The following C4orf51 variants were observed in gnomAD, a reference collection of about 807,000 sequenced individuals.
C4orf51 encodes chromosome 4 open reading frame 51.
Under a neutral mutation model 25.2 loss-of-function variants are expected in C4orf51, and 25 were observed. The observed-to-expected ratio is 0.99, with a 90% confidence interval of 0.72 to 1.39. C4orf51 has a LOEUF of 1.39. C4orf51 is among the 40% of genes most tolerant of loss of function. The probability of loss-of-function intolerance (pLI) is 0.00; values close to 1 mark genes in which losing one functional copy is unlikely to be tolerated. For missense variants in C4orf51, 252 were observed against 239.6 expected (o/e 1.05, Z -0.34); for synonymous variants, 100 against 84.5 (o/e 1.18, Z -1.01).
intron 5 of C4orf51, among the ~76,000 whole-genome samples, chr4:145,730,171 T>C (rs893449214): frequency 2.0e-5 from 3 of 152,252 alleles, no homozygotes; most frequent in African/African-American, 4.8e-5. Flanking sequence ...AATAGTTTCT[T>C]GGGTGGATCT....
At chr4:145,774,767 A>T (rs1389490143), downstream of C4orf51, 1 of 1,367,530 alleles carries the variant, frequency 7.3e-7, no homozygotes, top group Non-Finnish European at 9.9e-7. Flanking sequence ...CACTCAAGAA[A>T]ACTGGAATTT....
In C4orf51 at chr4:145,763,185, G is replaced by A. The variant is rs1159597870; in HGVS notation, n.167-7803G>A. 1 of 1,486,396 alleles carries A rather than the reference G, an allele frequency of 6.7e-7. No homozygotes were observed. Among genetic ancestry groups the A allele is most frequent in the African/African-American group, 1.4e-5 (1 of 71,564 alleles). The allele number at this position is 1,486,396 out of a possible 1,614,324, so 92.1% of individuals were successfully genotyped here. A position where few individuals can be genotyped will look rare whatever the true frequency, so the allele number is the denominator to read the frequency against. On this transcript the variant is annotated intron_variant and non_coding_transcript_variant, in intron 1 of 1. Coordinates refer to the C4orf51 transcript ENST00000510096. The surrounding 1 kb of genome is among the most constrained non-coding windows in gnomAD (Gnocchi z 4.6). ...ATCTGCATTATGAACAGGATATAGA[G>A]TACAAGCAGTTCCATCACAGAAAAG...
intron 1 of C4orf51, chr4:145,760,928 G>A (rs575758441): frequency 8.1e-7 from 1 of 1,234,182 alleles, no homozygotes; most frequent in African/African-American, 1.6e-5. Flanking sequence ...AAGGGAATGA[G>A]ATGGGCAAAA....
chr4:145,773,738 C>T (rs1736629630), downstream of C4orf51, among the ~76,000 whole-genome samples: 1 of 152,158 alleles, frequency 6.6e-6, no homozygotes, highest in South Asian at 2.1e-4. Context: ...TTGGCCATGG[C>T]CTAGACAGTG....
At chr4:145,701,968 C>G (rs909378304) in intron 2 of C4orf51, among the ~76,000 whole-genome samples, 4 of 152,076 alleles carry the variant, frequency 2.6e-5, no homozygotes, top group South Asian at 2.1e-4. Flanking sequence ...CTCATATCCC[C>G]CCACCTTAAC....
At chr4:145,719,992 C>CT (rs1578985052) in intron 2 of C4orf51, among the ~76,000 whole-genome samples, 1 of 152,066 alleles carries the variant, frequency 6.6e-6, no homozygotes, top group East Asian at 1.9e-4. Context: ...GGCTTCCGAG[C>CT]TTGGTTGGTT....
In C4orf51 at chr4:145,680,465, A is replaced by G. The variant is rs779752195; in HGVS notation, c.233+29A>G. 3 of 1,501,094 alleles carry G rather than the reference A, an allele frequency of 2.0e-6. No homozygotes were observed. In the South Asian group the frequency reaches 3.4e-5, roughly 17 times the overall value. 93.0% of individuals were successfully genotyped at this position (1,501,094 alleles called of 1,614,324 possible). ...AGATTTCTTTGTAATTTGCACCTGG[A>G]TATATCACTATAAATAGACAAGAGT... On this transcript the variant is annotated intron_variant, in intron 1 of 5. Transcript: ENST00000438731.
chr4:145,718,930 C>T (rs1365575514), intron 2 of C4orf51, among the ~76,000 whole-genome samples: 1 of 152,252 alleles, frequency 6.6e-6, no homozygotes, highest in African/African-American at 2.4e-5. Context: ...GTCACCTCTT[C>T]AGAGAGGTCT....
the C4orf51 span, among the ~76,000 whole-genome samples, chr4:145,788,788 T>C: frequency 3.3e-5 from 5 of 152,226 alleles, no homozygotes; most frequent in African/African-American, 7.2e-5. Flanking sequence ...CAATGGGCCC[T>C]CAGAATGTCC....
Position 145,762,915 on chromosome 4 carries a change from G to A in C4orf51, n.167-8073G>A, listed in dbSNP as rs537897175. The stretch of plus-strand genomic sequence containing the variant: ...GGAGTGGACTGTCCTCGGAGGGTCT[G>A]GAGAGGTGTTCAGCAGAGCCCAACA... On this transcript the variant is annotated intron_variant and non_coding_transcript_variant, in intron 1 of 1. Coordinates refer to the C4orf51 transcript ENST00000510096. This position sits in a 1 kb window ranked among gnomAD's most constrained non-coding sequence, Gnocchi z 4.9. 2.0e-5 allele frequency among the ~76,000 whole-genome samples: 3 copies of A among 152,332 alleles called. No homozygotes were observed. The highest frequency in any genetic ancestry group is 2.9e-5 in the Non-Finnish European group (2 of 68,028).
intron 2 of C4orf51, among the ~76,000 whole-genome samples, chr4:145,701,744 C>G (rs1730459097): frequency 6.6e-6 from 1 of 151,976 alleles, no homozygotes; most frequent in African/African-American, 2.4e-5. Flanking sequence ...TTATTGACAG[C>G]CAGGCTTCTA....
At chr4:145,779,282 T>C in the C4orf51 span, 371 of 1,477,604 alleles carry the variant, frequency 2.5e-4, 1 homozygote, top group African/African-American at 4.7e-3. Flanking sequence ...GCACTTCCTG[T>C]AATGCCTCTC....
chr4:145,681,089 A>G (rs17020536), intron 1 of C4orf51, among the ~76,000 whole-genome samples: 1 of 152,082 alleles, frequency 6.6e-6, no homozygotes, highest in African/African-American at 2.4e-5. Flanking sequence ...AGCACACTGC[A>G]TGGAGAAAGA....
At chr4:145,715,094 A>T (rs1731333954) in intron 2 of C4orf51, among the ~76,000 whole-genome samples, 1 of 152,168 alleles carries the variant, frequency 6.6e-6, no homozygotes, top group South Asian at 2.1e-4. Flanking sequence ...CTCCAGGGAC[A>T]CATATGGAGA....
chr4:145,725,193 T>C (rs1225221444), intron 2 of C4orf51, among the ~76,000 whole-genome samples: 2 of 151,560 alleles, frequency 1.3e-5, no homozygotes, highest in Admixed American at 6.6e-5. Flanking sequence ...ATAAAAAAAT[T>C]AGAAATTTTT....
intron 1 of C4orf51, among the ~76,000 whole-genome samples, chr4:145,740,804 ATATGATAATGTT>A (rs1162558025): frequency 6.6e-6 from 1 of 152,240 alleles, no homozygotes; most frequent in African/African-American, 2.4e-5. Context: ...AATGCTTTCA[ATATGATAATGTT>A]TATATTTGTG....
chr4:145,756,498 A>AAGTC (rs554501760), downstream of C4orf51, among the ~76,000 whole-genome samples: 12 of 152,286 alleles, frequency 7.9e-5, no homozygotes, highest in Non-Finnish European at 1.3e-4. Flanking sequence ...CCATTTCTCA[A>AAGTC]AGTCACTGAA....
chr4:145,697,100 A>ATT (rs34220160), intron 2 of C4orf51, among the ~76,000 whole-genome samples: 9 of 139,342 alleles, frequency 6.5e-5, no homozygotes, highest in Admixed American at 7.1e-5. Flanking sequence ...TCTCTTAGCA[A>ATT]TTTTTTTTTT....
chr4:145,689,399 A>G (rs1213261703), intron 1 of C4orf51, among the ~76,000 whole-genome samples: 1 of 152,160 alleles, frequency 6.6e-6, no homozygotes, highest in Non-Finnish European at 1.5e-5. Flanking sequence ...CATCTATGAG[A>G]CATATATGTA....
Sources: allele counts gnomAD v4.1 joint callset (sites outside exome capture counted in the v4.1 genomes callset), GRCh38; gene constraint gnomAD v4.1.1; non-coding constraint Gnocchi (gnomAD v3.1); transcripts MANE v1.5; gene names NCBI Gene and HGNC (gene_info 2026-07-23, HGNC 2026-07-21).